The following SAP30BP variants were observed in gnomAD, a reference collection of about 807,000 sequenced individuals.
SAP30BP encodes the protein SAP30-binding protein.
A neutral mutation model predicts 46.3 loss-of-function variants in SAP30BP; 31 were observed. That is an observed-to-expected ratio of 0.67 (90% CI 0.50 to 0.90). SAP30BP has a LOEUF of 0.90. SAP30BP is among the 40% of genes least tolerant of loss of function. The probability of loss-of-function intolerance (pLI) is 0.00; values close to 1 mark genes in which losing one functional copy is unlikely to be tolerated. For synonymous variants in SAP30BP, 169 were observed against 144.2 expected (o/e 1.17, Z -1.23); for missense variants, 312 against 391.0 (o/e 0.80, Z 1.70).
chr17:75,682,419 A>G (rs1229373413), intron 3 of SAP30BP, among the ~76,000 whole-genome samples: 1 of 152,048 alleles, frequency 6.6e-6, no homozygotes, highest in Non-Finnish European at 1.5e-5. Context: ...TCCTGACCTC[A>G]GGTGATACAC....
At chr17:75,674,731 G>C (rs1360496676) in intron 3 of SAP30BP, among the ~76,000 whole-genome samples, 1 of 80,912 alleles carries the variant, frequency 1.2e-5, no homozygotes, top group African/African-American at 5.5e-5. Context: ...TTTTTGAGGT[G>C]GAGTCTCCTC....
chr17:75,682,745 C>T lies in SAP30BP; in HGVS notation c.265-10695C>T, dbSNP rs575984952. ...TTGGGAGGCCAAGGCGGGCGAATCA[C>T]GAGGTCAGGATATCAAGACCATCCT... On this transcript the variant is annotated intron_variant, in intron 3 of 10. Coordinates refer to ENST00000584667, the MANE Select transcript of SAP30BP (RefSeq NM_013260.8). Among the ~76,000 whole-genome samples, 107 of 151,674 alleles carry T rather than the reference C, an allele frequency of 7.1e-4. 1 individual carries two copies. The highest frequency in any genetic ancestry group is 1.0e-3 in the Admixed American group (16 of 15,244).
chr17:75,699,505 TAA>T (rs56285842), intron 4 of SAP30BP, among the ~76,000 whole-genome samples: 13 of 133,982 alleles, frequency 9.7e-5, no homozygotes, highest in South Asian at 2.5e-4. Flanking sequence ...CCCGTCTCTT[TAA>T]AAAAAAAAAA....
At chr17:75,684,411 C>T (rs1476508699) in intron 3 of SAP30BP, 1 of 152,124 alleles carries the variant, frequency 6.6e-6, no homozygotes, top group Admixed American at 6.6e-5. Flanking sequence ...TCTCCCATAC[C>T]CTGTAATCTT....
intron 2 of SAP30BP, among the ~76,000 whole-genome samples, chr17:75,671,360 T>C (rs370765996): frequency 5.1e-4 from 77 of 152,282 alleles, no homozygotes; most frequent in Middle Eastern, 3.4e-3. Flanking sequence ...TGTTGGACAC[T>C]GTTAGAGTAG....
At chr17:75,669,565 A>AT (rs1306233790) in intron 2 of SAP30BP, among the ~76,000 whole-genome samples, 11 of 151,808 alleles carry the variant, frequency 7.2e-5, no homozygotes, top group Admixed American at 4.6e-4. Flanking sequence ...TTAAAAAAAA[A>AT]TTTTTTGTAG....
chr17:75,668,571 A>G lies in SAP30BP; in HGVS notation c.162A>G (p.Leu54=). 6.2e-7 allele frequency: 1 copy of G among 1,606,550 alleles called. No homozygotes were observed. Among genetic ancestry groups the G allele is most frequent in the South Asian group, 1.1e-5 (1 of 89,486 alleles). ...ATGGGGAGGATGACTTTTCTCGTCT[A>G]GGGGGTGATGAAGATGGTTATGAAG... is the stretch of plus-strand genomic sequence containing the variant. ...DAYGEDDFSR[L]GGDEDGYEEE... Residue 54 remains leucine, a synonymous_variant, in exon 2 of 11, where the codon CTA becomes CTG. Coordinates refer to ENST00000584667, the MANE Select transcript of SAP30BP (RefSeq NM_013260.8).
At chr17:75,690,038 C>G (rs1287135188) in intron 3 of SAP30BP, among the ~76,000 whole-genome samples, 5 of 152,232 alleles carry the variant, frequency 3.3e-5, no homozygotes, top group Non-Finnish European at 4.4e-5. Flanking sequence ...GATGGGTACA[C>G]TGGGAGCCCA....
intron 3 of SAP30BP, chr17:75,692,214 G>A (rs820217): frequency 0.33 from 324,232 of 984,586 alleles, 54,452 homozygotes; most frequent in Middle Eastern, 0.36. Flanking sequence ...AGGGGGCTAA[G>A]ACTGAGTCTA....
chr17:75,694,067 C>T (rs1358234487), intron 4 of SAP30BP, among the ~76,000 whole-genome samples: 1 of 152,094 alleles, frequency 6.6e-6, no homozygotes, highest in Non-Finnish European at 1.5e-5. Flanking sequence ...TCCCAAAGCC[C>T]GACCGGGGGG....
At chr17:75,691,233 A>T (rs144996812) in intron 3 of SAP30BP, among the ~76,000 whole-genome samples, 2 of 152,306 alleles carry the variant, frequency 1.3e-5, no homozygotes, top group Non-Finnish European at 2.9e-5. Flanking sequence ...AGCAAAGACC[A>T]GACTAGTTGG....
intron 3 of SAP30BP, chr17:75,672,243 T>A (rs931628079): frequency 4.3e-5 from 10 of 234,566 alleles, no homozygotes; most frequent in Non-Finnish European, 7.8e-5. Flanking sequence ...CTTTGGGTTC[T>A]CTTTAGTCAT....
In SAP30BP at chr17:75,707,723, ATGGGGCTTTAAAGCTC is replaced by A. The variant is rs1379405867; in HGVS notation, c.*1208_*1223del. 1.3e-5 allele frequency: 2 copies of A among 152,336 alleles called. No homozygotes were observed. Among genetic ancestry groups the A allele is most frequent in the African/African-American group, 4.8e-5 (2 of 41,422 alleles). 9.4% of individuals were successfully genotyped at this position (152,336 alleles called of 1,614,324 possible). A position where few individuals can be genotyped will look rare whatever the true frequency, so the allele number is the denominator to read the frequency against. ...GAGGTCAGTTCTCACCCCTTCCTCG[ATGGGGCTTTAAAGCTC>A]TGGGGAGAAGAGCTGCTCCCCACTC... On this transcript the variant is annotated 3_prime_UTR_variant, in exon 11 of 11. Coordinates refer to ENST00000584667, the MANE Select transcript of SAP30BP (RefSeq NM_013260.8).
At chr17:75,694,659 G>A (rs954731136) in intron 4 of SAP30BP, among the ~76,000 whole-genome samples, 13 of 152,228 alleles carry the variant, frequency 8.5e-5, no homozygotes, top group South Asian at 4.1e-4. Context: ...GGGCGTGGAC[G>A]GGAGCCTTGG....
intron 8 of SAP30BP, 174 bp from the exon 9 acceptor site, chr17:75,704,582 T>C (rs1360090820): frequency 1.6e-6 from 1 of 613,696 alleles, no homozygotes; most frequent in African/African-American, 1.8e-5. Context: ...AGTCTGGAGC[T>C]GAAGGCCCCT....
At chr17:75,678,083 T>C (rs2060019683) in intron 3 of SAP30BP, among the ~76,000 whole-genome samples, 1 of 152,090 alleles carries the variant, frequency 6.6e-6, no homozygotes. Context: ...AGCCCTGGCA[T>C]GGTGGGGAGG....
intron 3 of SAP30BP, among the ~76,000 whole-genome samples, chr17:75,677,598 A>C (rs1003893727): frequency 7.2e-6 from 1 of 139,702 alleles, no homozygotes; most frequent in Non-Finnish European, 1.5e-5. Context: ...TGCCTGACTA[A>C]TTTTTGTATT....
intron 4 of SAP30BP, among the ~76,000 whole-genome samples, chr17:75,694,765 A>G (rs904554868): frequency 1.3e-5 from 2 of 152,240 alleles, no homozygotes; most frequent in African/African-American, 4.8e-5. Context: ...GTGCCAACGC[A>G]GAGATGCCCT....
intron 3 of SAP30BP, among the ~76,000 whole-genome samples, chr17:75,677,220 C>T (rs1427668641): frequency 6.6e-6 from 1 of 150,860 alleles, no homozygotes; most frequent in African/African-American, 2.4e-5. Flanking sequence ...ATTCTCCTGC[C>T]TCAGCTTCCT....
Sources: allele counts gnomAD v4.1 joint callset (sites outside exome capture counted in the v4.1 genomes callset), GRCh38; gene constraint gnomAD v4.1.1; transcripts MANE v1.5; gene names NCBI Gene and HGNC (gene_info 2026-07-23, HGNC 2026-07-21).